TMEM44: variants seen among roughly 807,000 people sequenced by gnomAD.
TMEM44 encodes transmembrane protein 44.
TMEM44 carries 43 observed loss-of-function variants against 47.8 expected under a neutral mutation model. The ratio of observed to expected loss-of-function variants is 0.90; its 90% CI spans 0.70 to 1.16. TMEM44 has a LOEUF of 1.16. TMEM44 is among the 50% of genes most tolerant of loss of function. The pLI is 0.00. For synonymous variants in TMEM44, 277 were observed against 238.8 expected (o/e 1.16, Z -1.48); for missense variants, 568 against 555.2 (o/e 1.02, Z -0.23).
In TMEM44 at chr3:194,631,112, G is replaced by A. The variant is rs189771232; in HGVS notation, c.137+1967C>T. On this transcript the variant is annotated intron_variant, in intron 1 of 9. Coordinates refer to ENST00000347147, the MANE Select transcript of TMEM44 (RefSeq NM_001011655.3). ...GAAGGGGCTGGCTGTTTCTATTGGCGTCACCGATAGGGCCTCTGAAATACG... is the reference window on the plus strand; with the variant it reads ...GAAGGGGCTGGCTGTTTCTATTGGCATCACCGATAGGGCCTCTGAAATACG... 3.4e-5 allele frequency among the ~76,000 whole-genome samples: 5 copies of A among 145,520 alleles called. No homozygotes were observed. In the East Asian group the frequency reaches 1.1e-3, roughly 31 times the overall value.
At chr3:194,606,392 G>A (rs533440008) in intron 8 of TMEM44, among the ~76,000 whole-genome samples, 1 of 152,264 alleles carries the variant, frequency 6.6e-6, no homozygotes, top group East Asian at 1.9e-4. Flanking sequence ...ACGGCCAACA[G>A]GGTGCCTGTT....
In TMEM44 at chr3:194,612,765, C is replaced by T. The variant is rs372269446; in HGVS notation, c.913-1745G>A. Among the ~76,000 whole-genome samples, 13 of 152,040 alleles carry T rather than the reference C, an allele frequency of 8.6e-5. 1 individual carries two copies. The highest frequency in any genetic ancestry group is 7.8e-4 in the East Asian group (4 of 5,136). ...CTGCAAGCTCCGCCTTCTGGGTTCA[C>T]GCCATTCTCCTGCCTCAGCCTCCCG... On this transcript the variant is annotated intron_variant, in intron 7 of 9. Coordinates refer to ENST00000347147, the MANE Select transcript of TMEM44 (RefSeq NM_001011655.3).
intron 6 of TMEM44, 30 bp from the exon 7 acceptor site, chr3:194,615,727 A>C: frequency 6.2e-7 from 1 of 1,611,382 alleles, no homozygotes; most frequent in Non-Finnish European, 8.5e-7. Flanking sequence ...GGTAGGAAGC[A>C]GAATATTCCA....
At chr3:194,605,122 A>C (rs991078609) in intron 8 of TMEM44, among the ~76,000 whole-genome samples, 3 of 150,890 alleles carry the variant, frequency 2.0e-5, no homozygotes, top group Non-Finnish European at 4.4e-5. Context: ...GTATCTATGT[A>C]TCTATCTATG....
chr3:194,618,526 TTTAG>T (rs1716191722), intron 5 of TMEM44, among the ~76,000 whole-genome samples: 1 of 144,546 alleles, frequency 6.9e-6, no homozygotes, highest in African/African-American at 2.5e-5. Context: ...ATTTATATAA[TTTAG>T]TTTTATATAA....
At chr3:194,605,243 C>T (rs766284023) in intron 8 of TMEM44, among the ~76,000 whole-genome samples, 1 of 152,198 alleles carries the variant, frequency 6.6e-6, no homozygotes, top group Non-Finnish European at 1.5e-5. Context: ...ATGGGGACTC[C>T]TCAGAGATCT....
chr3:194,625,936 G>C lies in TMEM44; in HGVS notation c.319C>G (p.Leu107Val). The C allele has an allele frequency of 6.2e-7, 1 of 1,613,906 alleles. No homozygotes were observed. Among genetic ancestry groups the C allele is most frequent in the East Asian group, 2.2e-5 (1 of 44,876 alleles). ...AIDLVNFMFI[L>V]FPVCGSKFKS... ...AATTTGGATCCACAGACTGGGAAGAGAATGAACATAAAGTTCACTAAGTCA... is the reference window on the plus strand; with the variant it reads ...AATTTGGATCCACAGACTGGGAAGACAATGAACATAAAGTTCACTAAGTCA... The change falls in exon 3 of 10, where the codon CTC (leucine) becomes GTC (valine). Residue 107 changes from leucine to valine, a missense_variant. Leu to Val is a conservative substitution (Grantham distance 32, BLOSUM62 1). Transcript: ENST00000347147.
intron 5 of TMEM44, among the ~76,000 whole-genome samples, chr3:194,618,705 G>C (rs1353313919): frequency 6.6e-6 from 1 of 151,734 alleles, no homozygotes; most frequent in Non-Finnish European, 1.5e-5. Flanking sequence ...AGATATATAG[G>C]CCTTGGCTAG....
intron 8 of TMEM44, among the ~76,000 whole-genome samples, chr3:194,606,863 G>T (rs1212349235): frequency 7.1e-6 from 1 of 141,278 alleles, no homozygotes; most frequent in Non-Finnish European, 1.5e-5. Context: ...TGAGAATCGA[G>T]AATCTCTTGA....
intron 5 of TMEM44, chr3:194,617,473 C>T (rs1716038518): frequency 1.5e-6 from 1 of 687,576 alleles, no homozygotes; most frequent in Non-Finnish European, 2.4e-6. Flanking sequence ...CTGGCTTCAA[C>T]TTAACTCTGG....
At position 194,596,350 on chromosome 3, in the gene TMEM44, A is replaced by G. The variant is rs369109028; in HGVS notation, c.1177-7711T>C. 8.9e-4 allele frequency among the ~76,000 whole-genome samples: 136 copies of G among 152,320 alleles called. 1 individual carries two copies. Among genetic ancestry groups the G allele is most frequent in the African/African-American group, 3.2e-3 (131 of 41,580 alleles). On this transcript the variant is annotated intron_variant, in intron 9 of 9. Transcript: ENST00000347147. ...CTGGATTTGGGGAGGCGGATTGGAA[A>G]TGCCTCTAGAGACTAAGAGTACAGA... is the stretch of plus-strand genomic sequence containing the variant.
At chr3:194,608,870 G>A (rs1054447329) in intron 8 of TMEM44, among the ~76,000 whole-genome samples, 1 of 152,274 alleles carries the variant, frequency 6.6e-6, no homozygotes, top group South Asian at 2.1e-4. Context: ...AAACAAAGGA[G>A]GAACAAGATG....
intron 6 of TMEM44, chr3:194,616,513 C>A (rs889433081): frequency 1.3e-5 from 6 of 450,820 alleles, no homozygotes; most frequent in African/African-American, 8.1e-5. Flanking sequence ...AAGGGCAAGG[C>A]AGAAATGTAA....
chr3:194,609,582 T>C (rs530120115), intron 8 of TMEM44, among the ~76,000 whole-genome samples: 1 of 152,156 alleles, frequency 6.6e-6, no homozygotes, highest in Non-Finnish European at 1.5e-5. Flanking sequence ...TAGTGGGACA[T>C]GGGGTGAACT....
intron 3 of TMEM44, among the ~76,000 whole-genome samples, chr3:194,624,416 C>A (rs12636433): frequency 6.6e-6 from 1 of 152,032 alleles, no homozygotes; most frequent in African/African-American, 2.4e-5. Flanking sequence ...TGCAGCACCC[C>A]CTCTGATTCA....
chr3:194,593,086 AAG>A, intron 9 of TMEM44: 2 of 1,613,324 alleles, frequency 1.2e-6, no homozygotes, highest in African/African-American at 1.3e-5. Flanking sequence ...GCAGAATAAA[AAG>A]AGAGACAGAA....
chr3:194,614,264 G>A (rs554639711), intron 7 of TMEM44, among the ~76,000 whole-genome samples: 57 of 152,320 alleles, frequency 3.7e-4, no homozygotes, highest in African/African-American at 1.2e-3. Flanking sequence ...ATCACAAGCC[G>A]ATTTCCAAAG....
intron 1 of TMEM44, among the ~76,000 whole-genome samples, chr3:194,629,791 C>T (rs528465239): frequency 3.0e-5 from 1 of 33,796 alleles, no homozygotes; most frequent in African/African-American, 1.6e-4. Flanking sequence ...GCTGTCGTAC[C>T]TGCCTCCCGG....
At chr3:194,588,749 C>A in intron 9 of TMEM44, 110 bp from the exon 10 acceptor site, 2 of 1,081,814 alleles carry the variant, frequency 1.8e-6, no homozygotes, top group South Asian at 1.4e-5. Context: ...ATGATCCAGG[C>A]ACAGACAAGG....
Sources: allele counts gnomAD v4.1 joint callset (sites outside exome capture counted in the v4.1 genomes callset), GRCh38; gene constraint gnomAD v4.1.1; transcripts MANE v1.5; gene names NCBI Gene and HGNC (gene_info 2026-07-23, HGNC 2026-07-21).